Variants in AP1S3 observed in about 807,000 individuals in gnomAD.
AP1S3 encodes the protein adaptor related protein complex 1 subunit sigma 3.
AP1S3 carries 10 observed loss-of-function variants against 20.9 expected under a neutral mutation model. The ratio of observed to expected loss-of-function variants is 0.48; its 90% CI spans 0.29 to 0.81. The LOEUF (loss-of-function observed/expected upper bound fraction) is 0.81, where lower values mean the gene tolerates loss of function less well. Among genes scored for constraint, AP1S3 ranks in the 30% least tolerant of loss-of-function variants. The probability of loss-of-function intolerance (pLI) is 0.08; values close to 1 mark genes in which losing one functional copy is unlikely to be tolerated. For synonymous variants in AP1S3, 41 were observed against 61.5 expected (o/e 0.67, Z 1.56); for missense variants, 154 against 183.8 (o/e 0.84, Z 0.94).
chr2:223,836,457 A>G (rs1692395683), intron 1 of AP1S3, among the ~76,000 whole-genome samples: 1 of 152,066 alleles, frequency 6.6e-6, no homozygotes, highest in Non-Finnish European at 1.5e-5. Flanking sequence ...ACTGCACACC[A>G]TGCCGGGTGC....
At chr2:223,764,616 G>A (rs1006214) in intron 4 of AP1S3, among the ~76,000 whole-genome samples, 30,912 of 151,924 alleles carry the variant, frequency 0.2, 5,665 homozygotes, top group African/African-American at 0.47. Context: ...CTTTATGCAA[G>A]CAGGAGCACA....
At chr2:223,779,681 C>T (rs1690876472) in intron 1 of AP1S3, among the ~76,000 whole-genome samples, 1 of 151,698 alleles carries the variant, frequency 6.6e-6, no homozygotes, top group African/African-American at 2.4e-5. Flanking sequence ...AAAGATTCAA[C>T]TTTCGGCCAG....
chr2:223,765,057 G>T, intron 4 of AP1S3, 156 bp downstream of exon 4: 3 of 1,092,816 alleles, frequency 2.7e-6, no homozygotes, highest in African/African-American at 1.6e-5. Context: ...TTTTCGAGTT[G>T]TTGTGAGGAT....
chr2:223,773,301 G>A (rs1690676968), intron 3 of AP1S3: 4 of 1,303,522 alleles, frequency 3.1e-6, no homozygotes, highest in Non-Finnish European at 4.0e-6. Flanking sequence ...CAGGTTACGG[G>A]AATGCCCAGA....
intron 1 of AP1S3, among the ~76,000 whole-genome samples, chr2:223,800,936 A>G (rs1188865532): frequency 6.6e-6 from 1 of 152,250 alleles, no homozygotes; most frequent in Non-Finnish European, 1.5e-5. Flanking sequence ...TCAGTGGTAC[A>G]GTTTGAGGCA....
At chr2:223,777,233 T>G (rs1314597152) in intron 2 of AP1S3, among the ~76,000 whole-genome samples, 2 of 152,072 alleles carry the variant, frequency 1.3e-5, no homozygotes, top group African/African-American at 4.8e-5. Flanking sequence ...CCGTCTCTCT[T>G]AAAATACAAA....
At chr2:223,829,275 C>G (rs1019358640) in intron 1 of AP1S3, among the ~76,000 whole-genome samples, 2 of 152,178 alleles carry the variant, frequency 1.3e-5, no homozygotes, top group Non-Finnish European at 2.9e-5. Context: ...GGTCAATAAG[C>G]CATGACTTAC....
chr2:223,798,512 A>G (rs1373219315), intron 1 of AP1S3, among the ~76,000 whole-genome samples: 3 of 152,266 alleles, frequency 2.0e-5, no homozygotes, highest in South Asian at 2.1e-4. Context: ...ATAAAAGGTT[A>G]ACTGCTATGA....
chr2:223,815,964 T>C (rs775606359), intron 1 of AP1S3, among the ~76,000 whole-genome samples: 1 of 151,972 alleles, frequency 6.6e-6, no homozygotes, highest in Non-Finnish European at 1.5e-5. Context: ...ACAAAAATTA[T>C]CTGGGTATGG....
At position 223,755,505 on chromosome 2, in the gene AP1S3, A is replaced by G. The variant is rs12151380; in HGVS notation, c.*3210T>C. On this transcript the variant is annotated 3_prime_UTR_variant, in exon 5 of 5. Transcript: ENST00000396654. ...TCCCTCAAATTTACCCCACTGTGCCATATAGATATGTTTACTTACTTTCAT... is the reference window on the plus strand; with the variant it reads ...TCCCTCAAATTTACCCCACTGTGCCGTATAGATATGTTTACTTACTTTCAT... 0.14 allele frequency among the ~76,000 whole-genome samples: 21,386 copies of G among 150,232 alleles called. 1,869 individuals carry two copies. Among genetic ancestry groups the G allele is most frequent in the Non-Finnish European group, 0.2 (13,720 of 67,768 alleles).
chr2:223,820,413 G>A (rs1691959463), intron 1 of AP1S3, among the ~76,000 whole-genome samples: 1 of 151,832 alleles, frequency 6.6e-6, no homozygotes, highest in African/African-American at 2.4e-5. Flanking sequence ...GCAAAGATGA[G>A]TTCAAGTTTT....
intron 3 of AP1S3, among the ~76,000 whole-genome samples, chr2:223,775,673 T>C (rs969883572): frequency 6.6e-6 from 1 of 152,146 alleles, no homozygotes; most frequent in Non-Finnish European, 1.5e-5. Context: ...GGACTCCATA[T>C]CTATTTAAAA....
chr2:223,765,539 A>G (rs1381085509), intron 3 of AP1S3, among the ~76,000 whole-genome samples, 189 bp from the exon 4 acceptor site: 1 of 152,218 alleles, frequency 6.6e-6, no homozygotes, highest in Non-Finnish European at 1.5e-5. Flanking sequence ...GCTACATTCT[A>G]TTAAAGCAAA....
chr2:223,809,738 T>A (rs1196621193), intron 1 of AP1S3, among the ~76,000 whole-genome samples: 15 of 151,634 alleles, frequency 9.9e-5, no homozygotes, highest in Admixed American at 7.9e-4. Context: ...ATTTATTTTT[T>A]TTTTTTTTGA....
At position 223,811,970 on chromosome 2, in the gene AP1S3, C is replaced by T. The variant is rs141483831; in HGVS notation, c.3+25478G>A. ...TGACCAGCATCTCTAGGGAGATTAA[C>T]GTGAGATGATTCCCAAGGTTCAACT... On this transcript the variant is annotated intron_variant, in intron 1 of 4. Transcript: ENST00000396654. Among the ~76,000 whole-genome samples the T allele has an allele frequency of 6.4e-3, 971 of 152,276 alleles. 10 individuals carry two copies. Among genetic ancestry groups the T allele is most frequent in the African/African-American group, 0.022 (903 of 41,534 alleles).
chr2:223,758,046 A>G lies in AP1S3; in HGVS notation c.*669T>C. The G allele has an allele frequency of 1.0e-6, 1 of 980,270 alleles. No homozygotes were observed. The highest frequency in any genetic ancestry group is 1.2e-6 in the Non-Finnish European group (1 of 825,154). The allele number at this position is 980,270 out of a possible 1,614,324, so 60.7% of individuals were successfully genotyped here. On this transcript the variant is annotated 3_prime_UTR_variant, in exon 5 of 5. Coordinates refer to ENST00000396654, the MANE Select transcript of AP1S3 (RefSeq NM_001039569.2). ...TGGAATGTCCCTTATATTCAATTAA[A>G]AGATAAATTAAAACCTCAGTCAAGA...
At chr2:223,816,390 G>C (rs1287947110) in intron 1 of AP1S3, among the ~76,000 whole-genome samples, 4 of 151,822 alleles carry the variant, frequency 2.6e-5, no homozygotes, top group Non-Finnish European at 5.9e-5. Flanking sequence ...CAAACGAAGA[G>C]ATCAAACGGT....
At chr2:223,795,024 C>T (rs774390125) in intron 1 of AP1S3, among the ~76,000 whole-genome samples, 2 of 152,108 alleles carry the variant, frequency 1.3e-5, no homozygotes, top group South Asian at 2.1e-4. Context: ...CCAAGGTGGG[C>T]GGATAACCTG....
chr2:223,794,913 A>G (rs1051296549), intron 1 of AP1S3, among the ~76,000 whole-genome samples: 2 of 152,198 alleles, frequency 1.3e-5, no homozygotes, highest in Non-Finnish European at 2.9e-5. Flanking sequence ...AAAGGACTCC[A>G]GCCAAATCCA....
Sources: gnomAD v4.1 joint callset for allele counts (sites outside exome capture counted in the v4.1 genomes callset) on GRCh38, gnomAD v4.1.1 for gene constraint, MANE v1.5 for transcripts, NCBI Gene and HGNC (gene_info 2026-07-23, HGNC 2026-07-21) for gene names.